NBEA: variants seen among roughly 807,000 people sequenced by gnomAD.
NBEA encodes lysosomal-trafficking regulator 2.
NBEA carries 44 observed loss-of-function variants against 343.4 expected under a neutral mutation model. That is an observed-to-expected ratio of 0.13 (90% CI 0.10 to 0.16). NBEA has a LOEUF of 0.16. Among genes scored for constraint, NBEA ranks in the 10% least tolerant of loss-of-function variants. The pLI, the probability that NBEA is intolerant of heterozygous loss-of-function variation, is 1.00. For synonymous variants in NBEA, 1,175 were observed against 1,238.7 expected, an observed-to-expected ratio of 0.95 and a Z score of 1.08; for missense variants, 2,555 against 3,631.3, an observed-to-expected ratio of 0.70 and a Z score of 7.62.
chr13:35,539,915 C>CAAAAAAAAAAA (rs71081262), intron 41 of NBEA, among the ~76,000 whole-genome samples: 1,275 of 39,536 alleles, frequency 0.032, 268 homozygotes, highest in Non-Finnish European at 0.047. Context: ...GACTCCGTCT[C>CAAAAAAAAAAA]AAAAAAAAAA....
rs565382174 is a variant in NBEA at position 35,582,928 on chromosome 13, G to A, written c.7036-970G>A. Among the ~76,000 whole-genome samples, 140 of 152,158 alleles carry A rather than the reference G, an allele frequency of 9.2e-4. 1 individual carries two copies. The highest frequency in any genetic ancestry group is 3.2e-3 in the African/African-American group (134 of 41,530). On this transcript the variant is annotated intron_variant, in intron 45 of 58. Coordinates refer to ENST00000379939, the MANE Select transcript of NBEA (RefSeq NM_001385012.1). ...CTTCTCTTGTTAAAATTAAGCCTTC[G>A]AGGGATCTTCATAGTTAATTATAAA...
At position 35,159,971 on chromosome 13, in the gene NBEA, C is replaced by A; in HGVS notation, c.3800C>A (p.Ser1267Tyr). The change falls in exon 22 of 59, where the codon TCT becomes TAT. Residue 1267 changes from serine to tyrosine, a missense_variant. Transcript: ENST00000379939. ...AGTATAATTTCAGATACTGAAAGGT[C>A]TGACGATGGCAAAGAATCAGGAAAA... ...AGSIISDTER[S>Y]DDGKESGKEI... 1.9e-6 allele frequency: 3 copies of A among 1,592,010 alleles called. No homozygotes were observed. In the South Asian group the frequency reaches 3.5e-5, roughly 18 times the overall value.
intron 54 of NBEA, 134 bp from the exon 55 acceptor site, chr13:35,655,445 A>G: frequency 4.2e-6 from 4 of 963,200 alleles, no homozygotes; most frequent in Non-Finnish European, 4.5e-6. Context: ...CAGCCCATAG[A>G]TGAACTTTTC....
intron 13 of NBEA, among the ~76,000 whole-genome samples, chr13:35,116,556 G>T (rs145604359): frequency 6.6e-6 from 1 of 152,014 alleles, no homozygotes; most frequent in African/African-American, 2.4e-5. Context: ...GGATTTTTTG[G>T]ATAATAACTT....
At chr13:35,241,939 A>G (rs1311171298) in intron 34 of NBEA, among the ~76,000 whole-genome samples, 1 of 151,876 alleles carries the variant, frequency 6.6e-6, no homozygotes, top group Non-Finnish European at 1.5e-5. Flanking sequence ...TGCTTGCAAC[A>G]TTCTCACTAA....
At chr13:35,538,678 A>G (rs2078670381) in intron 41 of NBEA, among the ~76,000 whole-genome samples, 1 of 152,228 alleles carries the variant, frequency 6.6e-6, no homozygotes, top group Admixed American at 6.5e-5. Context: ...CCGTGAGGAC[A>G]CTGAATAAAC....
chr13:35,145,322 CT>C, intron 18 of NBEA, among the ~76,000 whole-genome samples: 1 of 152,210 alleles, frequency 6.6e-6, no homozygotes, highest in African/African-American at 2.4e-5. Context: ...AGATAGCTTC[CT>C]TTTGTTCGAT....
At chr13:35,093,802 A>C (rs976685814) in intron 10 of NBEA, among the ~76,000 whole-genome samples, 2 of 151,978 alleles carry the variant, frequency 1.3e-5, no homozygotes, top group South Asian at 2.1e-4. Context: ...AAGTGACTAC[A>C]ACATTTAGTG....
Position 35,290,687 on chromosome 13 carries a change from C to T in NBEA, c.5838+237C>T, listed in dbSNP as rs1427680247. ...CTACTCTTTTTAGCAGTATTATTCTCCTACCCTTTCGATTCTTCCATTGTT... is the reference window on the plus strand; with the variant it reads ...CTACTCTTTTTAGCAGTATTATTCTTCTACCCTTTCGATTCTTCCATTGTT... On this transcript the variant is annotated intron_variant, in intron 35 of 58. Coordinates refer to ENST00000379939, the MANE Select transcript of NBEA (RefSeq NM_001385012.1). Among the ~76,000 whole-genome samples, 13 of 140,686 alleles carry T rather than the reference C, an allele frequency of 9.2e-5. No individual in the cohort carries two copies. The South Asian group carries it at 3.0e-3, about 32-fold the overall frequency. The allele number at this position is 140,686 out of a possible 152,430, so 92.3% of individuals were successfully genotyped here.
intron 1 of NBEA, among the ~76,000 whole-genome samples, chr13:34,953,662 T>C (rs2059410716): frequency 6.6e-6 from 1 of 152,182 alleles, no homozygotes; most frequent in African/African-American, 2.4e-5. Flanking sequence ...TCCATATCCG[T>C]GAATTCAGTT....
intron 44 of NBEA, among the ~76,000 whole-genome samples, chr13:35,557,040 C>T (rs777797092): frequency 2.0e-5 from 3 of 151,648 alleles, no homozygotes; most frequent in Non-Finnish European, 4.4e-5. Flanking sequence ...ATTTTTTTTC[C>T]CTTGGCTGTG....
Position 35,104,755 on chromosome 13 carries a change from G to A in NBEA, c.1681-4535G>A, listed in dbSNP as rs188460970. On this transcript the variant is annotated intron_variant, in intron 11 of 58. Coordinates refer to ENST00000379939, the MANE Select transcript of NBEA (RefSeq NM_001385012.1). The stretch of plus-strand genomic sequence containing the variant: ...CCTTTTTATTAATAACAATTTTACT[G>A]TTCCACGAAAAAATTTTTAGGTGTT... Among the ~76,000 whole-genome samples the A allele has an allele frequency of 2.6e-5, 4 of 151,930 alleles. No homozygotes were observed. In the East Asian group the frequency reaches 7.7e-4, roughly 29 times the overall value.
At chr13:35,445,826 ATATAT>A (rs1484463029) in intron 39 of NBEA, among the ~76,000 whole-genome samples, 71 of 132,956 alleles carry the variant, frequency 5.3e-4, no homozygotes, top group Non-Finnish European at 9.3e-4. Flanking sequence ...ATGTATATAT[ATATAT>A]TATATTTGAA....
chr13:35,377,501 C>T (rs1170862312), intron 38 of NBEA, among the ~76,000 whole-genome samples: 1 of 152,226 alleles, frequency 6.6e-6, no homozygotes, highest in Non-Finnish European at 1.5e-5. Flanking sequence ...CTCCCAAATA[C>T]TTAATGCTTC....
At chr13:35,242,769 A>G (rs1345742121) in intron 34 of NBEA, among the ~76,000 whole-genome samples, 1 of 151,884 alleles carries the variant, frequency 6.6e-6, no homozygotes. Context: ...AAACAAAACA[A>G]AAAGAAACTA....
chr13:35,242,393 G>A (rs2030460763), intron 34 of NBEA, among the ~76,000 whole-genome samples: 1 of 151,782 alleles, frequency 6.6e-6, no homozygotes, highest in Admixed American at 6.6e-5. Context: ...ATGAAGAAGA[G>A]TGAACAGAGC....
At chr13:35,291,128 A>C (rs1162357547) in intron 35 of NBEA, among the ~76,000 whole-genome samples, 4 of 152,036 alleles carry the variant, frequency 2.6e-5, no homozygotes, top group African/African-American at 9.6e-5. Flanking sequence ...GTCTCCTAGC[A>C]GTCCTGATTA....
intron 2 of NBEA, among the ~76,000 whole-genome samples, chr13:35,042,850 C>T (rs1458804343): frequency 6.6e-6 from 1 of 151,654 alleles, no homozygotes; most frequent in African/African-American, 2.4e-5. Context: ...AACCAGTAGC[C>T]ACTAAAACAC....
intron 36 of NBEA, among the ~76,000 whole-genome samples, chr13:35,321,005 G>A (rs1266740106): frequency 6.6e-6 from 1 of 151,544 alleles, no homozygotes; most frequent in African/African-American, 2.4e-5. Flanking sequence ...CGTTTTTTTC[G>A]AGATTCTTAG....
Sources: gnomAD v4.1 joint callset for allele counts (sites outside exome capture counted in the v4.1 genomes callset) on GRCh38, gnomAD v4.1.1 for gene constraint, MANE v1.5 for transcripts, NCBI Gene and HGNC (gene_info 2026-07-23, HGNC 2026-07-21) for gene names.